Variants in KCNMB4 observed in about 807,000 individuals in gnomAD.
KCNMB4 encodes calcium-activated potassium channel subunit beta-4.
A neutral mutation model predicts 20.7 loss-of-function variants in KCNMB4; 3 were observed. That is an observed-to-expected ratio of 0.14 (90% CI 0.07 to 0.37). The LOEUF (loss-of-function observed/expected upper bound fraction) is 0.37. KCNMB4 is among the 10% of genes least tolerant of loss of function. The pLI is 1.00. For missense variants in KCNMB4, 168 were observed against 265.9 expected, an observed-to-expected ratio of 0.63 and a Z score of 2.56; for synonymous variants, 110 against 113.4, an observed-to-expected ratio of 0.97 and a Z score of 0.19.
intron 1 of KCNMB4, among the ~76,000 whole-genome samples, chr12:70,381,931 T>C (rs1309106414): frequency 6.6e-6 from 1 of 152,238 alleles, no homozygotes; most frequent in Non-Finnish European, 1.5e-5. Context: ...ATGATTGCTT[T>C]GCAAATTTCA....
chr12:70,375,839 T>C lies in KCNMB4; in HGVS notation c.336+8769T>C, dbSNP rs192806879. ...TTATAGATTCCTGGATTTTGTTTGCTAATATTTTATTGAGGATTTTTGCAT... is the reference window on the plus strand; with the variant it reads ...TTATAGATTCCTGGATTTTGTTTGCCAATATTTTATTGAGGATTTTTGCAT... On this transcript the variant is annotated intron_variant, in intron 1 of 2. Coordinates refer to ENST00000258111, the MANE Select transcript of KCNMB4 (RefSeq NM_014505.6). 9.2e-5 allele frequency among the ~76,000 whole-genome samples: 14 copies of C among 152,320 alleles called. No homozygotes were observed. The East Asian group carries it at 2.5e-3, about 27-fold the overall frequency.
intron 2 of KCNMB4, among the ~76,000 whole-genome samples, chr12:70,405,243 A>G (rs993623257): frequency 2.0e-5 from 3 of 152,196 alleles, no homozygotes; most frequent in African/African-American, 7.2e-5. Context: ...TATATCTGCT[A>G]AAGAGTTAAT....
chr12:70,400,406 G>T lies in KCNMB4; in HGVS notation c.464+70G>T, dbSNP rs710651. 12 of 1,467,550 alleles carry T rather than the reference G, an allele frequency of 8.2e-6. No individual in the cohort carries two copies. In the East Asian group the frequency reaches 2.4e-4, roughly 29 times the overall value. 90.9% of individuals were successfully genotyped at this position (1,467,550 alleles called of 1,614,324 possible). A position where few individuals can be genotyped will look rare whatever the true frequency, so the allele number is the denominator to read the frequency against. ...CTGCAGCTTATTACACTGTTATATC[G>T]TAGATTATGCCCACTTGACAGCATG... On this transcript the variant is annotated intron_variant, in intron 2 of 2. Coordinates refer to ENST00000258111, the MANE Select transcript of KCNMB4 (RefSeq NM_014505.6).
At chr12:70,419,600 T>C (rs1291266718) in intron 2 of KCNMB4, among the ~76,000 whole-genome samples, 6 of 152,150 alleles carry the variant, frequency 3.9e-5, no homozygotes, top group African/African-American at 9.7e-5. Context: ...ACAAAAACTT[T>C]AGGAAAGTCA....
At chr12:70,408,128 G>A (rs955290655) in intron 2 of KCNMB4, among the ~76,000 whole-genome samples, 5 of 151,958 alleles carry the variant, frequency 3.3e-5, no homozygotes, top group African/African-American at 9.7e-5. Flanking sequence ...AGATAGAAGC[G>A]GGGGTGGTCT....
chr12:70,396,310 TTTC>T (rs992795298), intron 1 of KCNMB4, among the ~76,000 whole-genome samples: 73 of 152,284 alleles, frequency 4.8e-4, no homozygotes, highest in African/African-American at 1.6e-3. Context: ...TTGAGAAAGT[TTTC>T]TTCTTCTTTT....
At chr12:70,406,632 C>CTGAGCT (rs1239528510) in intron 2 of KCNMB4, among the ~76,000 whole-genome samples, 1 of 152,118 alleles carries the variant, frequency 6.6e-6, no homozygotes, top group East Asian at 1.9e-4. Context: ...CAGAACGTTC[C>CTGAGCT]TGAGCTTGAG....
chr12:70,430,819 G>A lies in KCNMB4; in HGVS notation c.*166G>A. ...AGAAACAGGCACAACTGGAAGACTT[G>A]GAACCTCAAAGCTTGTATTCCATCT... On this transcript the variant is annotated 3_prime_UTR_variant, in exon 3 of 3. Transcript: ENST00000258111. 1.7e-6 allele frequency: 1 copy of A among 599,486 alleles called. No homozygotes were observed. The highest frequency in any genetic ancestry group is 2.7e-6 in the Non-Finnish European group (1 of 367,682). 37.1% of individuals were successfully genotyped at this position (599,486 alleles called of 1,614,324 possible).
chr12:70,423,474 A>T, intron 2 of KCNMB4, among the ~76,000 whole-genome samples: 2 of 150,836 alleles, frequency 1.3e-5, no homozygotes, highest in Non-Finnish European at 3.0e-5. Context: ...TTTCTTTTTC[A>T]TCTTTTTTTT....
At chr12:70,378,767 C>T (rs1883732555) in intron 1 of KCNMB4, among the ~76,000 whole-genome samples, 1 of 152,076 alleles carries the variant, frequency 6.6e-6, no homozygotes, top group Admixed American at 6.5e-5. Context: ...GAACTCCTGA[C>T]CTCAAGTGAT....
In KCNMB4 at chr12:70,366,468, G is replaced by A. The variant is rs527540850; in HGVS notation, c.-267G>A. ...AGCGGTCCGTGCGCTCCCCGCGCCC[G>A]AGGGTGCAGGAGGCTCTGAAGCGGC... On this transcript the variant is annotated 5_prime_UTR_variant, in exon 1 of 3. Transcript: ENST00000258111. 6.7e-3 allele frequency: 1,024 copies of A among 152,098 alleles called. 5 individuals are homozygous for A. The highest frequency in any genetic ancestry group is 0.022 in the African/African-American group (923 of 41,414). 9.4% of individuals were successfully genotyped at this position (152,098 alleles called of 1,614,324 possible).
At chr12:70,400,748 C>T (rs1868427119) in intron 2 of KCNMB4, among the ~76,000 whole-genome samples, 1 of 152,104 alleles carries the variant, frequency 6.6e-6, no homozygotes, top group South Asian at 2.1e-4. Context: ...CAGTTTATAC[C>T]ATATAAACCA....
At chr12:70,409,863 A>G (rs1464316923) in intron 2 of KCNMB4, among the ~76,000 whole-genome samples, 2 of 152,334 alleles carry the variant, frequency 1.3e-5, no homozygotes, top group Middle Eastern at 3.4e-3. Flanking sequence ...AGAACTGTGA[A>G]TGAGTGGGAG....
At chr12:70,403,495 G>A (rs1868513581) in intron 2 of KCNMB4, among the ~76,000 whole-genome samples, 1 of 152,098 alleles carries the variant, frequency 6.6e-6, no homozygotes, top group Non-Finnish European at 1.5e-5. Context: ...ACCATGCCCA[G>A]CTAATTTTTG....
intron 2 of KCNMB4, among the ~76,000 whole-genome samples, chr12:70,423,270 A>G (rs1869118597): frequency 6.6e-6 from 1 of 152,220 alleles, no homozygotes; most frequent in East Asian, 1.9e-4. Flanking sequence ...TCCATGAAGA[A>G]TAGGCAAGCT....
chr12:70,367,044 G>A lies in KCNMB4; in HGVS notation c.310G>A (p.Glu104Lys). 6.4e-7 allele frequency: 1 copy of A among 1,552,362 alleles called. No individual in the cohort carries two copies. The highest frequency in any genetic ancestry group is 1.4e-5 in the African/African-American group (1 of 74,000). The part of the protein sequence containing the change: ...SNSRALLHSD[E>K]HQLLTNPKCS... ...CTCTAGGGCGCTGCTGCACAGCGAC[G>A]AGCACCAGCTCCTGACCAACCCCAA... is the stretch of plus-strand genomic sequence containing the variant. The change falls in exon 1 of 3, where the codon GAG (glutamate) becomes AAG (lysine). Residue 104 changes from glutamate to lysine, a missense_variant. Coordinates refer to ENST00000258111, the MANE Select transcript of KCNMB4 (RefSeq NM_014505.6).
intron 1 of KCNMB4, among the ~76,000 whole-genome samples, chr12:70,392,610 A>T (rs1013122596): frequency 6.6e-5 from 10 of 152,242 alleles, no homozygotes; most frequent in African/African-American, 2.4e-4. Flanking sequence ...GACTGGATAA[A>T]GAAAATGTGG....
At position 70,366,931 on chromosome 12, in the gene KCNMB4, TCGAGTGCA is replaced by T; in HGVS notation, c.199_206del (p.Glu67LeufsTer24). The T allele has an allele frequency of 6.2e-7, 1 of 1,612,816 alleles. No individual in the cohort carries two copies. Among genetic ancestry groups the T allele is most frequent in the Non-Finnish European group, 8.5e-7 (1 of 1,179,562 alleles). ...TCGGTGCAGCAGATCGGCGAGGTGT[TCGAGTGCA>T]CCTTCACCTGTGGCGCCGACTGCAG... On this transcript the variant is annotated frameshift_variant, in exon 1 of 3. Coordinates refer to ENST00000258111, the MANE Select transcript of KCNMB4 (RefSeq NM_014505.6). LOFTEE classifies it high-confidence loss of function.
At chr12:70,381,205 T>C (rs1331232130) in intron 1 of KCNMB4, among the ~76,000 whole-genome samples, 2 of 152,116 alleles carry the variant, frequency 1.3e-5, no homozygotes, top group Non-Finnish European at 2.9e-5. Context: ...GAAATACCAC[T>C]TCAGATCCAT....
Sources: gnomAD v4.1 joint callset for allele counts (sites outside exome capture counted in the v4.1 genomes callset) on GRCh38, gnomAD v4.1.1 for gene constraint, MANE v1.5 for transcripts, NCBI Gene and HGNC (gene_info 2026-07-23, HGNC 2026-07-21) for gene names.